Variants in AUTS2 observed in about 807,000 individuals in gnomAD.
AUTS2 encodes the protein activator of transcription and developmental regulator AUTS2.
Under a neutral mutation model 112.4 loss-of-function variants are expected in AUTS2, and 17 were observed. The ratio of observed to expected loss-of-function variants is 0.15; its 90% CI spans 0.10 to 0.23. The LOEUF is 0.23. AUTS2 is among the 10% of genes least tolerant of loss of function. AUTS2 has a pLI of 1.00. For missense variants in AUTS2, 1,510 were observed against 1,701.6 expected (o/e 0.89, Z 1.98); for synonymous variants, 751 against 702.7 (o/e 1.07, Z -1.09).
At chr7:70,763,480 G>A in intron 7 of AUTS2, 139 bp downstream of exon 7, 1 of 667,480 alleles carries the variant, frequency 1.5e-6, no homozygotes, top group South Asian at 2.2e-5. Flanking sequence ...CTAGAGACAG[G>A]GAATGGGGCT....
At chr7:70,719,006 C>T (rs983456467) in intron 6 of AUTS2, among the ~76,000 whole-genome samples, 2 of 152,144 alleles carry the variant, frequency 1.3e-5, no homozygotes. Flanking sequence ...CAGAGTGGTT[C>T]AATCCACTCG....
At chr7:69,740,883 C>T (rs1463331356) in intron 1 of AUTS2, among the ~76,000 whole-genome samples, 4 of 152,240 alleles carry the variant, frequency 2.6e-5, no homozygotes, top group South Asian at 2.1e-4. Context: ...ACTGCTCCTT[C>T]GGCTATGAGA....
chr7:70,627,743 C>A (rs1414930217), intron 5 of AUTS2, among the ~76,000 whole-genome samples: 1 of 152,222 alleles, frequency 6.6e-6, no homozygotes, highest in Non-Finnish European at 1.5e-5. Flanking sequence ...AAAAGGGATG[C>A]TTTGTTCTCA....
At chr7:70,017,328 A>G (rs1800073806) in intron 2 of AUTS2, among the ~76,000 whole-genome samples, 1 of 152,222 alleles carries the variant, frequency 6.6e-6, no homozygotes, top group African/African-American at 2.4e-5. Context: ...ATCTCAGATT[A>G]TATTGATCAG....
intron 5 of AUTS2, among the ~76,000 whole-genome samples, chr7:70,568,170 T>C (rs1477155630): frequency 3.9e-5 from 6 of 152,256 alleles, no homozygotes; most frequent in Non-Finnish European, 8.8e-5. Context: ...TCTTTGCACA[T>C]GTTCACTTTC....
In AUTS2 at chr7:69,599,650, A is replaced by T; in HGVS notation, c.-4A>T. 1 of 1,292,420 alleles carries T rather than the reference A, an allele frequency of 7.7e-7. No homozygotes were observed. 80.1% of individuals were successfully genotyped at this position (1,292,420 alleles called of 1,614,324 possible). A position where few individuals can be genotyped will look rare whatever the true frequency, so the allele number is the denominator to read the frequency against. ...AAGCGGGGAGACCCCGGCGCAGCAG[A>T]ACCATGGATGGCCCGACGCGGGGCC... On this transcript the variant is annotated 5_prime_UTR_variant, in exon 1 of 19. Coordinates refer to ENST00000342771, the MANE Select transcript of AUTS2 (RefSeq NM_015570.4). The surrounding 1 kb of genome is among the most constrained non-coding windows in gnomAD (Gnocchi z 7.0).
intron 5 of AUTS2, among the ~76,000 whole-genome samples, chr7:70,488,646 T>C (rs1045649492): frequency 7.9e-5 from 12 of 152,130 alleles, no homozygotes; most frequent in Admixed American, 7.2e-4. Flanking sequence ...CTTTTCCTCA[T>C]GGGCCAGCCT....
chr7:70,791,483 A>G lies in AUTS2; in HGVS notation c.*487A>G, dbSNP rs1791958258. 6.5e-6 allele frequency: 1 copy of G among 153,474 alleles called. No homozygotes were observed. 9.5% of individuals were successfully genotyped at this position (153,474 alleles called of 1,614,324 possible). A position where few individuals can be genotyped will look rare whatever the true frequency, so the allele number is the denominator to read the frequency against. ...TACAAATGTAAATAGATAAAGTAAC[A>G]TAATACATTAATACTTCTTAAAATG... On this transcript the variant is annotated 3_prime_UTR_variant, in exon 19 of 19. Coordinates refer to ENST00000342771, the MANE Select transcript of AUTS2 (RefSeq NM_015570.4).
chr7:69,779,468 A>G (rs74380791), intron 1 of AUTS2, among the ~76,000 whole-genome samples: 3,288 of 152,222 alleles, frequency 0.022, 118 homozygotes, highest in African/African-American at 0.072. Flanking sequence ...TAACTTAAAA[A>G]ATATATAGAT....
chr7:70,550,127 C>T (rs1800958700), intron 5 of AUTS2, among the ~76,000 whole-genome samples: 1 of 152,170 alleles, frequency 6.6e-6, no homozygotes. Flanking sequence ...TGGACACCTA[C>T]AGGGACAAAT....
intron 4 of AUTS2, among the ~76,000 whole-genome samples, chr7:70,195,895 A>T (rs1436894644): frequency 1.3e-5 from 2 of 152,186 alleles, no homozygotes; most frequent in Non-Finnish European, 2.9e-5. Context: ...AAATGTGTAG[A>T]TTCCTGCTCT....
intron 6 of AUTS2, among the ~76,000 whole-genome samples, chr7:70,734,309 C>G (rs964332219): frequency 6.6e-6 from 1 of 151,750 alleles, no homozygotes; most frequent in Non-Finnish European, 1.5e-5. Flanking sequence ...GCATGGTGGC[C>G]GGTGCCTGTA....
intron 5 of AUTS2, among the ~76,000 whole-genome samples, chr7:70,570,958 C>T (rs1269805136): frequency 1.3e-5 from 2 of 152,188 alleles, no homozygotes; most frequent in Non-Finnish European, 2.9e-5. Context: ...CACACATTTG[C>T]TGAACACACC....
chr7:70,371,251 A>G (rs1443920477), intron 4 of AUTS2, among the ~76,000 whole-genome samples: 4 of 152,362 alleles, frequency 2.6e-5, no homozygotes, highest in Non-Finnish European at 5.9e-5. Context: ...TTGGGGATAT[A>G]GCCCAGGTAT....
chr7:70,249,114 G>T (rs1455859795), intron 4 of AUTS2, among the ~76,000 whole-genome samples: 2 of 152,150 alleles, frequency 1.3e-5, no homozygotes, highest in Non-Finnish European at 2.9e-5. Flanking sequence ...TGTTACTATT[G>T]AAATATAAGG....
intron 4 of AUTS2, among the ~76,000 whole-genome samples, chr7:70,367,650 A>G (rs554351687): frequency 3.3e-5 from 5 of 152,264 alleles, no homozygotes; most frequent in African/African-American, 1.2e-4. Flanking sequence ...TTCACTAATG[A>G]TGGCTAGAAG....
intron 4 of AUTS2, among the ~76,000 whole-genome samples, chr7:70,379,027 C>T (rs949218826): frequency 6.6e-6 from 1 of 152,056 alleles, no homozygotes; most frequent in South Asian, 2.1e-4. Context: ...ACTAGCACTG[C>T]TGTTATGAAT....
chr7:70,566,603 TTAAC>T (rs1801718578), intron 5 of AUTS2, among the ~76,000 whole-genome samples: 1 of 152,208 alleles, frequency 6.6e-6, no homozygotes. Context: ...ATTTAAAGGT[TTAAC>T]TGTTTCCCAC....
intron 5 of AUTS2, among the ~76,000 whole-genome samples, chr7:70,669,500 C>T (rs1052931124): frequency 2.6e-5 from 4 of 152,138 alleles, no homozygotes; most frequent in African/African-American, 4.8e-5. Context: ...GACTTCAGTG[C>T]ATTTAGTCCA....
Sources: allele counts gnomAD v4.1 joint callset (sites outside exome capture counted in the v4.1 genomes callset), GRCh38; gene constraint gnomAD v4.1.1; non-coding constraint Gnocchi (gnomAD v3.1); transcripts MANE v1.5; gene names NCBI Gene and HGNC (gene_info 2026-07-23, HGNC 2026-07-21).